The following ADAM20 variants were observed in gnomAD, a reference collection of about 807,000 sequenced individuals.
ADAM20 encodes the protein disintegrin and metalloproteinase domain-containing protein 20.
For missense variants in ADAM20, 871 were observed against 883.2 expected, an observed-to-expected ratio of 0.99 and a Z score of 0.18; for synonymous variants, 305 against 310.2, an observed-to-expected ratio of 0.98 and a Z score of 0.18.
the ADAM20 span, among the ~76,000 whole-genome samples, chr14:70,554,845 G>A: frequency 2.6e-5 from 4 of 152,250 alleles, no homozygotes; most frequent in South Asian, 8.3e-4. Context: ...TGGACAAAAC[G>A]TACAAACAGA....
the ADAM20 span, among the ~76,000 whole-genome samples, chr14:70,574,959 A>G: frequency 1.3e-5 from 2 of 152,028 alleles, 1 homozygote; most frequent in South Asian, 4.1e-4. Context: ...TACTAGATGA[A>G]TCTACTTTAA....
chr14:70,558,791 A>G, the ADAM20 span, among the ~76,000 whole-genome samples: 26 of 151,856 alleles, frequency 1.7e-4, no homozygotes, highest in South Asian at 5.2e-3. Context: ...AAAACTAAGC[A>G]TTTGACAGAG....
the ADAM20 span, among the ~76,000 whole-genome samples, chr14:70,549,926 G>A: frequency 5.3e-5 from 2 of 37,702 alleles, no homozygotes; most frequent in Non-Finnish European, 9.3e-5. Context: ...CTCAGCAAAT[G>A]TAAAAGAACA....
At chr14:70,535,751 C>T (rs1036621515), upstream of ADAM20, among the ~76,000 whole-genome samples, 2 of 152,170 alleles carry the variant, frequency 1.3e-5, no homozygotes, top group African/African-American at 4.8e-5. Context: ...ATATTTGCAA[C>T]ATTTTACTAA....
the ADAM20 span, among the ~76,000 whole-genome samples, chr14:70,557,866 CTTGA>C: frequency 6.6e-6 from 1 of 152,054 alleles, no homozygotes; most frequent in African/African-American, 2.4e-5. Context: ...ATTGGACACC[CTTGA>C]TTAAGAAGAT....
chr14:70,564,234 A>G, the ADAM20 span, among the ~76,000 whole-genome samples: 1 of 152,260 alleles, frequency 6.6e-6, no homozygotes, highest in East Asian at 1.9e-4. Flanking sequence ...CAGAGAACTA[A>G]GGCTTTCTCT....
intron 1 of ADAM20, among the ~76,000 whole-genome samples, chr14:70,532,017 C>A (rs906116802): frequency 1.3e-5 from 2 of 151,950 alleles, no homozygotes; most frequent in Non-Finnish European, 2.9e-5. Flanking sequence ...TATAAAGAAG[C>A]ACAAATGGCC....
the ADAM20 span, among the ~76,000 whole-genome samples, chr14:70,553,542 A>C: frequency 6.0e-5 from 9 of 149,500 alleles, no homozygotes; most frequent in Admixed American, 1.3e-4. Flanking sequence ...AAAAAAAAAA[A>C]AAAAAACTAG....
At chr14:70,538,374 C>T (rs1448023548), upstream of ADAM20, among the ~76,000 whole-genome samples, 4 of 152,292 alleles carry the variant, frequency 2.6e-5, no homozygotes, top group Admixed American at 2.0e-4. Flanking sequence ...TGGCACATAA[C>T]CTAATCCTTT....
the ADAM20 span, among the ~76,000 whole-genome samples, chr14:70,565,792 A>G: frequency 6.6e-6 from 1 of 152,254 alleles, no homozygotes; most frequent in Non-Finnish European, 1.5e-5. Flanking sequence ...TGTAAAGTAT[A>G]CAGGAAGATG....
At chr14:70,557,097 T>C in the ADAM20 span, 1 of 152,066 alleles carries the variant, frequency 6.6e-6, no homozygotes, top group African/African-American at 2.4e-5. Context: ...CGTCAAATAA[T>C]TTGTGTGAGA....
the ADAM20 span, among the ~76,000 whole-genome samples, chr14:70,578,094 CAGAAT>C: frequency 2.0e-5 from 3 of 152,072 alleles, no homozygotes; most frequent in Non-Finnish European, 2.9e-5. Flanking sequence ...ACAACTCACA[CAGAAT>C]AGGAGAAAAT....
At chr14:70,544,949 T>C in the ADAM20 span, among the ~76,000 whole-genome samples, 1 of 152,158 alleles carries the variant, frequency 6.6e-6, no homozygotes, top group Admixed American at 6.5e-5. Context: ...GCAATATTGA[T>C]CAATATTAAT....
At chr14:70,545,343 G>T in the ADAM20 span, among the ~76,000 whole-genome samples, 1 of 152,160 alleles carries the variant, frequency 6.6e-6, no homozygotes, top group East Asian at 1.9e-4. Flanking sequence ...CTTGGGAGAG[G>T]GATGGTGCAG....
the ADAM20 span, among the ~76,000 whole-genome samples, chr14:70,540,756 T>TATC: frequency 6.6e-6 from 1 of 152,252 alleles, no homozygotes; most frequent in Non-Finnish European, 1.5e-5. Flanking sequence ...GGCAAAGGAC[T>TATC]ATCATCATCT....
At chr14:70,579,431 T>G in the ADAM20 span, among the ~76,000 whole-genome samples, 1 of 152,252 alleles carries the variant, frequency 6.6e-6, no homozygotes, top group Admixed American at 6.5e-5. Flanking sequence ...CTCTGATGAT[T>G]AGTAATATTA....
the ADAM20 span, among the ~76,000 whole-genome samples, chr14:70,555,426 G>C: frequency 6.6e-6 from 1 of 152,010 alleles, no homozygotes; most frequent in African/African-American, 2.4e-5. Context: ...TTTAAAAAAA[G>C]GTGAAAAATC....
chr14:70,542,900 C>T, the ADAM20 span, among the ~76,000 whole-genome samples: 1 of 151,584 alleles, frequency 6.6e-6, no homozygotes, highest in South Asian at 2.1e-4. Context: ...GATCACACCA[C>T]TGCACTCCAG....
chr14:70,545,794 A>T, the ADAM20 span, among the ~76,000 whole-genome samples: 1 of 152,236 alleles, frequency 6.6e-6, no homozygotes, highest in African/African-American at 2.4e-5. Flanking sequence ...CACTTTCAGC[A>T]TTGGACAGAT....
Sources: gnomAD v4.1 joint callset for allele counts (sites outside exome capture counted in the v4.1 genomes callset) on GRCh38, gnomAD v4.1.1 for gene constraint, MANE v1.5 for transcripts, NCBI Gene and HGNC (gene_info 2026-07-23, HGNC 2026-07-21) for gene names.